CHD6: variants seen among roughly 807,000 people sequenced by gnomAD.
The protein encoded by CHD6 is chromodomain helicase DNA binding protein 6, also known as ATP-dependent chromatin remodeler CHD6.
Under a neutral mutation model 276.9 loss-of-function variants are expected in CHD6, and 50 were observed. The observed-to-expected ratio is 0.18, with a 90% CI of 0.14 to 0.23. The LOEUF is 0.23. Ranked by LOEUF, CHD6 falls within the 10% of genes least tolerant of loss-of-function variation. The pLI is 1.00. For missense variants in CHD6, 2,564 were observed against 3,365.8 expected, an observed-to-expected ratio of 0.76 and a Z score of 5.89; for synonymous variants, 1,173 against 1,229.3, an observed-to-expected ratio of 0.95 and a Z score of 0.96.
At chr20:41,433,569 C>T (rs548989185) in intron 27 of CHD6, among the ~76,000 whole-genome samples, 2 of 152,150 alleles carry the variant, frequency 1.3e-5, no homozygotes, top group Admixed American at 1.3e-4. Context: ...ACTAAGAGAA[C>T]CGTCTGACAG....
At chr20:41,603,810 AG>A (rs1488880862) in intron 1 of CHD6, among the ~76,000 whole-genome samples, 2 of 152,188 alleles carry the variant, frequency 1.3e-5, no homozygotes, top group Non-Finnish European at 2.9e-5. Context: ...CAGAGGCTGC[AG>A]TGAGCCGAAA....
chr20:41,476,987 A>G (rs901218278), intron 16 of CHD6, among the ~76,000 whole-genome samples: 9 of 152,088 alleles, frequency 5.9e-5, no homozygotes, highest in African/African-American at 2.2e-4. Context: ...TTGTAACCCC[A>G]GCAATTTGGG....
At chr20:41,579,662 G>A (rs1272562297) in intron 1 of CHD6, among the ~76,000 whole-genome samples, 1 of 152,132 alleles carries the variant, frequency 6.6e-6, no homozygotes. Context: ...CTATGGAGGT[G>A]TGCTTTCCAC....
At chr20:41,564,653 C>T (rs1053933227) in intron 1 of CHD6, among the ~76,000 whole-genome samples, 2 of 152,076 alleles carry the variant, frequency 1.3e-5, no homozygotes, top group Non-Finnish European at 2.9e-5. Context: ...GACATTTTTC[C>T]GTGTGAAAAA....
intron 1 of CHD6, among the ~76,000 whole-genome samples, chr20:41,599,438 C>G (rs929276121): frequency 2.0e-5 from 3 of 152,174 alleles, no homozygotes; most frequent in African/African-American, 7.2e-5. Flanking sequence ...TAACCTCAAT[C>G]TTTACCCCCC....
chr20:41,480,439 C>A (rs1191166010), intron 16 of CHD6, among the ~76,000 whole-genome samples: 2 of 152,134 alleles, frequency 1.3e-5, no homozygotes, highest in Non-Finnish European at 2.9e-5. Flanking sequence ...AAAATAAAAA[C>A]TGTACAAAAA....
At chr20:41,495,040 G>A (rs1324755275) in intron 8 of CHD6, among the ~76,000 whole-genome samples, 1 of 110,226 alleles carries the variant, frequency 9.1e-6, no homozygotes, top group Admixed American at 8.4e-5. Context: ...TCCCTATCTG[G>A]GTTAAAAAAA....
At chr20:41,582,710 T>C (rs968978987) in intron 1 of CHD6, among the ~76,000 whole-genome samples, 1 of 152,124 alleles carries the variant, frequency 6.6e-6, no homozygotes, top group Non-Finnish European at 1.5e-5. Flanking sequence ...AAATTTAAAA[T>C]AACAACAATT....
intron 3 of CHD6, among the ~76,000 whole-genome samples, chr20:41,515,566 C>G (rs977675138): frequency 6.6e-6 from 1 of 152,196 alleles, no homozygotes; most frequent in African/African-American, 2.4e-5. Context: ...TCTAAAAGGC[C>G]TTTCCTGGCC....
intron 1 of CHD6, among the ~76,000 whole-genome samples, chr20:41,608,089 T>G (rs1431354366): frequency 6.6e-6 from 1 of 152,194 alleles, no homozygotes; most frequent in Non-Finnish European, 1.5e-5. Flanking sequence ...ACAGCTATTA[T>G]TATCATGATT....
intron 25 of CHD6, among the ~76,000 whole-genome samples, chr20:41,444,979 T>A (rs189659380): frequency 1.3e-4 from 20 of 152,344 alleles, no homozygotes; most frequent in Non-Finnish European, 2.4e-4. Flanking sequence ...AGGGAAAGTG[T>A]GTATCAGGCA....
At chr20:41,478,098 C>T (rs1360185880) in intron 16 of CHD6, among the ~76,000 whole-genome samples, 2 of 152,124 alleles carry the variant, frequency 1.3e-5, no homozygotes, top group Non-Finnish European at 2.9e-5. Flanking sequence ...CCTCAAAATG[C>T]TGATATAGAA....
intron 1 of CHD6, among the ~76,000 whole-genome samples, chr20:41,560,784 C>A (rs2045293019): frequency 6.6e-6 from 1 of 150,396 alleles, no homozygotes. Context: ...CACACCTTTT[C>A]AAATACATGT....
Position 41,413,212 on chromosome 20 carries a change from TCTCCCAAACAG to T in CHD6, c.7131+101_7131+111del, listed in dbSNP as rs2046895086. The T allele has an allele frequency of 5.3e-6, 4 of 751,960 alleles. No homozygotes were observed. The South Asian group carries it at 1.0e-4, about 19-fold the overall frequency. The allele number at this position is 751,960 out of a possible 1,614,324, so 46.6% of individuals were successfully genotyped here. A position where few individuals can be genotyped will look rare whatever the true frequency, so the allele number is the denominator to read the frequency against. On this transcript the variant is annotated intron_variant, in intron 35 of 36. Transcript: ENST00000373233. ...ACATGATGTTGTCAGCTGACAGATTTCTCCCAAACAGCTCCCAACTTCCTGGTTGCCCTCAG... is the reference window on the plus strand; with the variant it reads ...ACATGATGTTGTCAGCTGACAGATTTCTCCCAACTTCCTGGTTGCCCTCAG...
intron 2 of CHD6, among the ~76,000 whole-genome samples, chr20:41,536,355 C>T (rs1237122850): frequency 6.6e-6 from 1 of 152,166 alleles, no homozygotes; most frequent in Non-Finnish European, 1.5e-5. Flanking sequence ...GTAAAAAACT[C>T]GTTTCTGTGA....
At chr20:41,591,379 T>TATACACACAC (rs1416193560) in intron 1 of CHD6, among the ~76,000 whole-genome samples, 14 of 144,188 alleles carry the variant, frequency 9.7e-5, no homozygotes, top group African/African-American at 3.6e-4. Flanking sequence ...TATATATATA[T>TATACACACAC]ACACACACAC....
At chr20:41,440,551 A>C (rs1286054371) in intron 25 of CHD6, among the ~76,000 whole-genome samples, 2 of 152,178 alleles carry the variant, frequency 1.3e-5, no homozygotes, top group Non-Finnish European at 2.9e-5. Flanking sequence ...GCAGGACTGA[A>C]ATATAAAGAG....
chr20:41,425,167 C>A lies in CHD6; in HGVS notation c.4346+11G>T, dbSNP rs2047321451. 1.2e-6 allele frequency: 2 copies of A among 1,613,498 alleles called. No individual in the cohort carries two copies. The highest frequency in any genetic ancestry group is 1.7e-6 in the Non-Finnish European group (2 of 1,179,384). ...GTGGCTGAGCATGCCCCTTTGGCCA[C>A]TGGCTTTTACCTCTTTTGGGCTTCC... is the stretch of plus-strand genomic sequence containing the variant. On this transcript the variant is annotated intron_variant, in intron 29 of 36. Coordinates refer to ENST00000373233, the MANE Select transcript of CHD6 (RefSeq NM_032221.5).
At chr20:41,443,311 T>C (rs983677207) in intron 25 of CHD6, among the ~76,000 whole-genome samples, 3 of 152,198 alleles carry the variant, frequency 2.0e-5, no homozygotes, top group Admixed American at 2.0e-4. Context: ...TTAATCCCAA[T>C]ACCCTGAACA....
Sources: allele counts gnomAD v4.1 joint callset (sites outside exome capture counted in the v4.1 genomes callset), GRCh38; gene constraint gnomAD v4.1.1; transcripts MANE v1.5; gene names NCBI Gene and HGNC (gene_info 2026-07-23, HGNC 2026-07-21).